Variants in FAM13A observed in about 807,000 individuals in gnomAD.
The protein encoded by FAM13A is family with sequence similarity 13 member A.
A neutral mutation model predicts 129.6 loss-of-function variants in FAM13A; 76 were observed. That is an observed-to-expected ratio of 0.59 (90% CI 0.49 to 0.71). The LOEUF (loss-of-function observed/expected upper bound fraction) is 0.71, where lower values mean the gene tolerates loss of function less well. Among genes scored for constraint, FAM13A ranks in the 30% least tolerant of loss-of-function variants. FAM13A has a pLI of 0.00. For synonymous variants in FAM13A, 443 were observed against 449.9 expected, an observed-to-expected ratio of 0.98 and a Z score of 0.20; for missense variants, 1,108 against 1,249.3, an observed-to-expected ratio of 0.89 and a Z score of 1.70.
At chr4:88,825,536 T>C (rs1190934430) in intron 7 of FAM13A, among the ~76,000 whole-genome samples, 2 of 152,166 alleles carry the variant, frequency 1.3e-5, no homozygotes, top group African/African-American at 4.8e-5. Flanking sequence ...AAATATCTTA[T>C]ACAAATATTT....
intron 7 of FAM13A, among the ~76,000 whole-genome samples, chr4:88,808,097 T>G (rs1328150381): frequency 6.6e-6 from 1 of 152,148 alleles, no homozygotes; most frequent in Non-Finnish European, 1.5e-5. Context: ...ATAAATCAAT[T>G]TTTATTTTAA....
chr4:89,017,568 AC>A (rs1766664279), intron 3 of FAM13A, among the ~76,000 whole-genome samples: 1 of 152,186 alleles, frequency 6.6e-6, no homozygotes, highest in Non-Finnish European at 1.5e-5. Context: ...ATTTTTGAGT[AC>A]TAAGAATACT....
chr4:88,908,233 T>C (rs1370667761), intron 5 of FAM13A, among the ~76,000 whole-genome samples: 1 of 152,206 alleles, frequency 6.6e-6, no homozygotes, highest in Non-Finnish European at 1.5e-5. Flanking sequence ...ATGAACCCAT[T>C]CCCGCTTCTG....
At chr4:88,982,751 C>A (rs1188142569) in intron 4 of FAM13A, among the ~76,000 whole-genome samples, 1 of 152,140 alleles carries the variant, frequency 6.6e-6, no homozygotes, top group Non-Finnish European at 1.5e-5. Context: ...TTAGAAAAAT[C>A]ATATACAACA....
At chr4:88,775,660 T>C (rs754426085) in intron 11 of FAM13A, among the ~76,000 whole-genome samples, 2 of 152,080 alleles carry the variant, frequency 1.3e-5, no homozygotes, top group African/African-American at 2.4e-5. Context: ...TGAGCTTTGA[T>C]CATGCCACTG....
At chr4:88,759,360 T>C (rs541520157) in intron 13 of FAM13A, 3 of 155,578 alleles carry the variant, frequency 1.9e-5, no homozygotes, top group African/African-American at 7.2e-5. Context: ...AGAGGCTGTG[T>C]ACGTGAAAGC....
At chr4:88,915,938 G>A (rs183222968) in intron 5 of FAM13A, among the ~76,000 whole-genome samples, 1 of 152,038 alleles carries the variant, frequency 6.6e-6, no homozygotes, top group Non-Finnish European at 1.5e-5. Context: ...TCCACCATGA[G>A]TGGAAGCAGC....
intron 13 of FAM13A, chr4:88,759,187 G>A: frequency 3.1e-6 from 1 of 319,980 alleles, no homozygotes; most frequent in Non-Finnish European, 5.9e-6. Flanking sequence ...AGGAATGAGG[G>A]AAAGGAGTTT....
chr4:88,903,856 A>G (rs1352910822), intron 6 of FAM13A, among the ~76,000 whole-genome samples: 3 of 152,222 alleles, frequency 2.0e-5, no homozygotes, highest in African/African-American at 7.2e-5. Context: ...AGAACGGGAG[A>G]AAATGTTTGT....
intron 7 of FAM13A, chr4:88,823,304 T>C: frequency 8.5e-7 from 1 of 1,177,318 alleles, no homozygotes; most frequent in Non-Finnish European, 1.1e-6. Context: ...CAGCAGCTGC[T>C]GCAGCACTAA....
At chr4:89,045,892 C>T (rs1401908672) in intron 1 of FAM13A, among the ~76,000 whole-genome samples, 5 of 151,818 alleles carry the variant, frequency 3.3e-5, no homozygotes, top group African/African-American at 1.2e-4. Flanking sequence ...GGCATGGTGA[C>T]GCATGCCTGT....
At chr4:88,957,417 A>G (rs1757925523) in intron 4 of FAM13A, among the ~76,000 whole-genome samples, 1 of 152,184 alleles carries the variant, frequency 6.6e-6, no homozygotes. Flanking sequence ...AGGCTTCCCT[A>G]GAAGCTGACC....
chr4:88,746,577 T>G (rs1401247850), intron 19 of FAM13A, among the ~76,000 whole-genome samples: 4 of 152,160 alleles, frequency 2.6e-5, no homozygotes, highest in Non-Finnish European at 5.9e-5. Context: ...GGGGGAGACC[T>G]AGGGACAGGG....
At chr4:88,926,551 ATTCC>A (rs1295371504) in intron 5 of FAM13A, among the ~76,000 whole-genome samples, 1 of 152,196 alleles carries the variant, frequency 6.6e-6, no homozygotes, top group African/African-American at 2.4e-5. Context: ...TCTGTTAATT[ATTCC>A]TTATAATAGG....
chr4:88,772,239 G>A (rs374030532), intron 11 of FAM13A, among the ~76,000 whole-genome samples: 1 of 152,146 alleles, frequency 6.6e-6, no homozygotes, highest in East Asian at 1.9e-4. Flanking sequence ...ATAGAGTCTC[G>A]TTAAGAAAGG....
chr4:88,922,445 G>A (rs1217466295), intron 5 of FAM13A, among the ~76,000 whole-genome samples: 25 of 152,150 alleles, frequency 1.6e-4, no homozygotes, highest in Admixed American at 7.9e-4. Context: ...CTGCTCCTGA[G>A]TGACTACTGG....
In FAM13A at chr4:89,020,646, T is replaced by C. The variant is rs2149108728; in HGVS notation, c.241A>G (p.Arg81Gly). 1 of 1,613,806 alleles carries C rather than the reference T, an allele frequency of 6.2e-7. No homozygotes were observed. The highest frequency in any genetic ancestry group is 1.6e-4 in the Middle Eastern group (1 of 6,062). The change falls in exon 3 of 24, where the codon AGG becomes GGG. Residue 81 changes from arginine to glycine, a missense_variant. By Grantham distance (125) the Arg-to-Gly change is moderately radical (BLOSUM62 -2). This residue lies in a region of FAM13A where 566 missense variants were observed against 595.7 expected (regional missense o/e 0.95). Coordinates refer to ENST00000264344, the MANE Select transcript of FAM13A (RefSeq NM_014883.4). Reference sequence around the variant, plus strand: ...ACCACCTTCACGTTACCATTCACCCTAAAAAGACCTTCTTGGGTAAGTCCT... The same window carrying C: ...ACCACCTTCACGTTACCATTCACCCCAAAAAGACCTTCTTGGGTAAGTCCT... Reference protein sequence around the residue: ...QHGLTQEGLFRVNGNVKVVEQ... With the variant: ...QHGLTQEGLFGVNGNVKVVEQ...
chr4:89,037,853 C>A (rs553731923), intron 1 of FAM13A, among the ~76,000 whole-genome samples: 1 of 152,338 alleles, frequency 6.6e-6, no homozygotes, highest in Non-Finnish European at 1.5e-5. Context: ...TAAGATGAAC[C>A]TGCTTCCCCT....
chr4:88,970,444 G>GATAT lies in FAM13A; in HGVS notation c.605+20525_605+20528dup, dbSNP rs199876516. Among the ~76,000 whole-genome samples the GATAT allele has an allele frequency of 1.5e-4, 23 of 148,640 alleles. 1 individual carries two copies. Among genetic ancestry groups the GATAT allele is most frequent in the Middle Eastern group, 3.5e-3 (1 of 284 alleles). On this transcript the variant is annotated intron_variant, in intron 4 of 23. Coordinates refer to ENST00000264344, the MANE Select transcript of FAM13A (RefSeq NM_014883.4). The stretch of plus-strand genomic sequence containing the variant: ...AGAGAGAGATGATCTGAGAGAGAGA[G>GATAT]ATATATATATATATGATACATAATA...
Sources: allele counts gnomAD v4.1 joint callset (sites outside exome capture counted in the v4.1 genomes callset), GRCh38; gene constraint gnomAD v4.1.1; regional missense constraint gnomAD v4.1.1; transcripts MANE v1.5; gene names NCBI Gene and HGNC (gene_info 2026-07-23, HGNC 2026-07-21).